The following ERBB4 variants were observed in gnomAD, a reference collection of about 807,000 sequenced individuals.
ERBB4 encodes the protein erb-b2 receptor tyrosine kinase 4, also known as receptor tyrosine-protein kinase erbB-4.
Under a neutral mutation model 158.0 loss-of-function variants are expected in ERBB4, and 42 were observed. The ratio of observed to expected loss-of-function variants is 0.27; its 90% CI spans 0.21 to 0.34. The LOEUF is 0.34. Ranked by LOEUF, ERBB4 falls within the 10% of genes least tolerant of loss-of-function variation. The pLI is 1.00. For missense variants in ERBB4, 1,333 were observed against 1,624.1 expected, an observed-to-expected ratio of 0.82 and a Z score of 3.08; for synonymous variants, 583 against 558.7, an observed-to-expected ratio of 1.04 and a Z score of -0.61.
intron 20 of ERBB4, among the ~76,000 whole-genome samples, chr2:211,545,280 C>T (rs995744985): frequency 2.0e-5 from 3 of 152,004 alleles, no homozygotes; most frequent in African/African-American, 4.8e-5. Flanking sequence ...TAACCCTTCA[C>T]AAATTGAGTG....
chr2:211,901,822 G>A (rs2079242439), intron 3 of ERBB4, among the ~76,000 whole-genome samples: 1 of 152,018 alleles, frequency 6.6e-6, no homozygotes, highest in Non-Finnish European at 1.5e-5. Context: ...CTGCACCCAT[G>A]AGCATTATTT....
intron 2 of ERBB4, among the ~76,000 whole-genome samples, chr2:212,017,538 G>A (rs1013196920): frequency 2.0e-5 from 3 of 152,120 alleles, no homozygotes; most frequent in Non-Finnish European, 4.4e-5. Context: ...TTTCGACTCA[G>A]TTGTGAATGC....
intron 20 of ERBB4, among the ~76,000 whole-genome samples, chr2:211,555,857 C>G (rs779804414): frequency 3.3e-5 from 5 of 152,200 alleles, no homozygotes; most frequent in Non-Finnish European, 7.3e-5. Context: ...CATTACCAGT[C>G]ACAGAAACAC....
intron 4 of ERBB4, among the ~76,000 whole-genome samples, chr2:211,770,864 C>T (rs4132462): frequency 0.24 from 35,975 of 152,032 alleles, 4,574 homozygotes; most frequent in Non-Finnish European, 0.3. Context: ...ATTTAAAGCA[C>T]TGTGATTTTT....
intron 5 of ERBB4, among the ~76,000 whole-genome samples, chr2:211,745,725 AAAAACAAAAC>A (rs2074948569): frequency 1.3e-5 from 1 of 77,618 alleles, no homozygotes; most frequent in East Asian, 2.4e-4. Flanking sequence ...GAAAAAAAAC[AAAAACAAAAC>A]AAAAAAAACC....
chr2:212,130,676 A>G (rs958176480), intron 1 of ERBB4, among the ~76,000 whole-genome samples: 1 of 152,150 alleles, frequency 6.6e-6, no homozygotes, highest in Admixed American at 6.6e-5. Context: ...TCAAATGCCT[A>G]TTGCGAGATA....
chr2:211,573,444 G>A (rs2067794833), intron 19 of ERBB4, among the ~76,000 whole-genome samples: 2 of 152,138 alleles, frequency 1.3e-5, no homozygotes, highest in African/African-American at 4.8e-5. Context: ...TCTGAGGTGG[G>A]CAGATCACGA....
intron 1 of ERBB4, among the ~76,000 whole-genome samples, chr2:212,277,509 G>A (rs1159994593): frequency 6.6e-6 from 1 of 151,634 alleles, no homozygotes; most frequent in African/African-American, 2.4e-5. Flanking sequence ...GCCTAGTGTA[G>A]AGTCTGAAAC....
At chr2:212,127,288 C>T (rs190337322) in intron 1 of ERBB4, among the ~76,000 whole-genome samples, 63 of 152,290 alleles carry the variant, frequency 4.1e-4, no homozygotes, top group African/African-American at 1.5e-3. Flanking sequence ...AATTCATAAA[C>T]TTTCTTAAAA....
chr2:212,312,189 T>C (rs1574656026), intron 1 of ERBB4, among the ~76,000 whole-genome samples: 1 of 151,018 alleles, frequency 6.6e-6, no homozygotes, highest in Admixed American at 6.6e-5. Context: ...TTCAAGGAAC[T>C]ACTCTAGGAT....
At chr2:212,103,406 AATATATGT>A (rs1258101674) in intron 2 of ERBB4, among the ~76,000 whole-genome samples, 1 of 152,126 alleles carries the variant, frequency 6.6e-6, no homozygotes. Context: ...TATTTCAAAT[AATATATGT>A]GATTTTAATG....
chr2:211,858,788 A>G (rs1043111971), intron 3 of ERBB4, among the ~76,000 whole-genome samples: 1 of 151,908 alleles, frequency 6.6e-6, no homozygotes, highest in African/African-American at 2.4e-5. Flanking sequence ...TTAATTATTT[A>G]TTCATTTTTT....
intron 1 of ERBB4, among the ~76,000 whole-genome samples, chr2:212,401,008 T>C (rs1267651743): frequency 1.3e-5 from 2 of 152,184 alleles, no homozygotes; most frequent in African/African-American, 4.8e-5. Flanking sequence ...GAGAATGCTA[T>C]GTTTTGGTTC....
chr2:212,074,716 T>C (rs2078223470), intron 2 of ERBB4, among the ~76,000 whole-genome samples: 1 of 151,924 alleles, frequency 6.6e-6, no homozygotes, highest in Non-Finnish European at 1.5e-5. Flanking sequence ...GTTGGTGCTA[T>C]GATTCTAAGG....
chr2:211,497,353 T>C (rs1352439053), intron 20 of ERBB4, among the ~76,000 whole-genome samples: 2 of 152,156 alleles, frequency 1.3e-5, no homozygotes, highest in African/African-American at 4.8e-5. Flanking sequence ...TACATTCTAT[T>C]CCTTCATATT....
intron 15 of ERBB4, among the ~76,000 whole-genome samples, chr2:211,662,157 T>TA (rs1190743120): frequency 6.7e-6 from 1 of 148,552 alleles, no homozygotes; most frequent in Non-Finnish European, 1.5e-5. Flanking sequence ...ATGAGATTTT[T>TA]AAAAAGATGT....
At position 211,871,635 on chromosome 2, in the gene ERBB4, AG is replaced by A. The variant is rs1263409618; in HGVS notation, c.421+75794del. 2.0e-5 allele frequency among the ~76,000 whole-genome samples: 3 copies of A among 152,308 alleles called. No homozygotes were observed. In the East Asian group the frequency reaches 5.8e-4, roughly 29 times the overall value. ...AATGGTATTCCCTAGCAGTAAGTAT[AG>A]GACAATATTTCAAATCTTATATCAA... is the stretch of plus-strand genomic sequence containing the variant. On this transcript the variant is annotated intron_variant, in intron 3 of 27. Transcript: ENST00000342788.
intron 20 of ERBB4, among the ~76,000 whole-genome samples, chr2:211,433,081 A>AG (rs1314364348): frequency 2.6e-5 from 4 of 152,206 alleles, no homozygotes; most frequent in Non-Finnish European, 1.5e-5. Flanking sequence ...GAACAAGCAC[A>AG]GGGGTAGCAG....
chr2:211,836,303 C>G (rs11894784), intron 3 of ERBB4, among the ~76,000 whole-genome samples: 32,632 of 151,948 alleles, frequency 0.21, 3,647 homozygotes, highest in South Asian at 0.33. Context: ...TAAGAACACA[C>G]TTTCAGATCA....
Sources: gnomAD v4.1 joint callset for allele counts (sites outside exome capture counted in the v4.1 genomes callset) on GRCh38, gnomAD v4.1.1 for gene constraint, MANE v1.5 for transcripts, NCBI Gene and HGNC (gene_info 2026-07-23, HGNC 2026-07-21) for gene names.